MAN2B1: variants seen among roughly 807,000 people sequenced by gnomAD.
The protein encoded by MAN2B1 is lysosomal alpha-mannosidase.
A neutral mutation model predicts 127.5 loss-of-function variants in MAN2B1; 99 were observed. That is an observed-to-expected ratio of 0.78 (90% CI 0.66 to 0.92). The LOEUF (loss-of-function observed/expected upper bound fraction) is 0.92. Ranked by LOEUF, MAN2B1 falls within the 40% of genes least tolerant of loss-of-function variation. The probability of loss-of-function intolerance (pLI) is 0.00; values close to 1 mark genes in which losing one functional copy is unlikely to be tolerated. For synonymous variants in MAN2B1, 573 were observed against 568.8 expected, an observed-to-expected ratio of 1.01 and a Z score of -0.11; for missense variants, 1,304 against 1,384.8, an observed-to-expected ratio of 0.94 and a Z score of 0.93.
intron 19 of MAN2B1, 22 bp downstream of exon 19, chr19:12,649,319 G>T: frequency 6.2e-7 from 1 of 1,608,044 alleles, no homozygotes; most frequent in Non-Finnish European, 8.5e-7. Context: ...AGGTGGGGAG[G>T]TGCAGGATGG....
Position 12,646,558 on chromosome 19 carries a change from G to T in MAN2B1, c.*62C>A. 7.9e-7 allele frequency: 1 copy of T among 1,260,392 alleles called. No individual in the cohort carries two copies. Among genetic ancestry groups the T allele is most frequent in the Non-Finnish European group, 1.2e-6 (1 of 859,002 alleles). 78.1% of individuals were successfully genotyped at this position (1,260,392 alleles called of 1,614,324 possible). A position where few individuals can be genotyped will look rare whatever the true frequency, so the allele number is the denominator to read the frequency against. On this transcript the variant is annotated 3_prime_UTR_variant, in exon 24 of 24. Transcript: ENST00000456935. ...TAATGGCAGCAGCCCCAAGAGGAGA[G>T]TCAGAGTCTGGTCTGCCCCCGGAGC...
chr19:12,663,201 A>C, intron 6 of MAN2B1, 116 bp downstream of exon 6: 1 of 1,269,616 alleles, frequency 7.9e-7, no homozygotes, highest in African/African-American at 1.5e-5. Context: ...GTGACAGAGT[A>C]AGACTGTCTC....
chr19:12,657,182 T>C (rs1221011617), intron 11 of MAN2B1, 126 bp from the exon 12 acceptor site: 1 of 726,312 alleles, frequency 1.4e-6, no homozygotes. Flanking sequence ...AAACCCCTTC[T>C]AGCCCCACCC....
At chr19:12,660,670 A>T (rs939517779) in intron 7 of MAN2B1, among the ~76,000 whole-genome samples, 12 of 151,994 alleles carry the variant, frequency 7.9e-5, no homozygotes, top group African/African-American at 2.9e-4. Context: ...AAAAGCAAGG[A>T]AATTATATTC....
chr19:12,658,913 G>A, intron 7 of MAN2B1: 3 of 325,140 alleles, frequency 9.2e-6, no homozygotes, highest in South Asian at 7.7e-5. Context: ...CTGTAGTGCA[G>A]TGGCTCAATC....
chr19:12,655,570 A>T, intron 14 of MAN2B1, 124 bp downstream of exon 14: 2 of 971,516 alleles, frequency 2.1e-6, no homozygotes, highest in South Asian at 3.2e-5. Context: ...AAGGACACAC[A>T]ATGAGGGGAG....
In MAN2B1 at chr19:12,665,363, A is replaced by G. The variant is rs1343803488; in HGVS notation, c.425T>C (p.Leu142Pro). The change falls in exon 3 of 24, where the codon CTT becomes CCT. Residue 142 changes from leucine to proline, a missense_variant. Leu to Pro is a moderately conservative substitution (Grantham distance 98). Transcript: ENST00000456935. ...TNATQEVVRDLVRQGRLEFAN... is the reference protein window; with the variant it reads ...TNATQEVVRDPVRQGRLEFAN... The stretch of plus-strand genomic sequence containing the variant: ...TGGGGTAGGCTCACCCTGGCGCACA[A>G]GGTCTCGCACGACTTCCTGTGTGGC... 6.2e-7 allele frequency: 1 copy of G among 1,606,680 alleles called. No homozygotes were observed. Among genetic ancestry groups the G allele is most frequent in the African/African-American group, 1.3e-5 (1 of 75,028 alleles).
At chr19:12,656,372 A>AAT in intron 13 of MAN2B1, 199 bp downstream of exon 13, 2 of 538,172 alleles carry the variant, frequency 3.7e-6, no homozygotes, top group Non-Finnish European at 6.6e-6. Flanking sequence ...AAAAAAAAAA[A>AAT]GGGAGGACCA....
Position 12,666,732 on chromosome 19 carries a change from G to A in MAN2B1, c.-31C>T. The A allele has an allele frequency of 6.5e-7, 1 of 1,543,120 alleles. No homozygotes were observed. The highest frequency in any genetic ancestry group is 8.7e-7 in the Non-Finnish European group (1 of 1,144,862). Reference sequence around the variant, plus strand: ...AGCAGCTTCCTCCTGGGGTTCCCCGGCCCTGGAAAGGCCGGGCAAACGCCC... The same window carrying A: ...AGCAGCTTCCTCCTGGGGTTCCCCGACCCTGGAAAGGCCGGGCAAACGCCC... On this transcript the variant is annotated 5_prime_UTR_variant, in exon 1 of 24. Transcript: ENST00000456935.
At chr19:12,652,606 A>C (rs1599344938) in intron 14 of MAN2B1, 146 bp from the exon 15 acceptor site, 1 of 665,048 alleles carries the variant, frequency 1.5e-6, no homozygotes, top group Non-Finnish European at 2.6e-6. Flanking sequence ...ATCTTGGCTC[A>C]CTGCACCCCC....
chr19:12,652,389 C>T lies in MAN2B1; in HGVS notation c.1902G>A (p.Leu634=), dbSNP rs2145240022. 1 of 1,614,138 alleles carries T rather than the reference C, an allele frequency of 6.2e-7. No individual in the cohort carries two copies. Among genetic ancestry groups the T allele is most frequent in the Middle Eastern group, 1.6e-4 (1 of 6,062 alleles). Reference sequence around the variant, plus strand: ...AGAAGAAGGTCTGGCGAACAGGCAGCAGGAGTTGCTGATTCATGTTCATAA... The same window carrying T: ...AGAAGAAGGTCTGGCGAACAGGCAGTAGGAGTTGCTGATTCATGTTCATAA... ...MEIMNMNQQL[L]LPVRQTFFWY... The change falls in exon 15 of 24, where the codon CTG becomes CTA. Residue 634 remains leucine (L), a synonymous_variant. Transcript: ENST00000456935.
rs775010162 is a variant in MAN2B1, at chr19:12,650,116, G to A, written c.2153C>T (p.Pro718Leu). The A allele has an allele frequency of 4.3e-6, 7 of 1,613,720 alleles. No individual in the cohort carries two copies. The highest frequency in any genetic ancestry group is 4.0e-5 in the African/African-American group (3 of 74,852). ...CTGTGCCACTCACCCCACAGGTATC[G>A]GCCCCACCGACCACTCTAGCTCCAG... Reference protein sequence around the residue: ...RHLELEWSVGPIPVGDTWGKE... With the variant: ...RHLELEWSVGLIPVGDTWGKE... The change falls in exon 17 of 24, where the codon CCG (proline) becomes CTG (leucine). Residue 718 changes from proline to leucine, a missense_variant. Physicochemically the swap from Pro to Leu is moderately conservative, Grantham distance 98. Transcript: ENST00000456935.
chr19:12,661,352 T>C lies in MAN2B1; in HGVS notation c.934A>G (p.Thr312Ala). The change falls in exon 7 of 24, where the codon ACT becomes GCT. Residue 312 changes from threonine (T) to alanine (A), a missense_variant. By Grantham distance (58) the Thr-to-Ala change is moderately conservative (BLOSUM62 0). Transcript: ENST00000456935. Reference sequence around the variant, plus strand: ...AAGTCCGAGCCCATGGTCATCACAGTGTGGTTGGTGCGGTAATACCGGCCC... The same window carrying C: ...AAGTCCGAGCCCATGGTCATCACAGCGTGGTTGGTGCGGTAATACCGGCCC... ...AQGRYYRTNH[T>A]VMTMGSDFQY... 1 of 1,613,566 alleles carries C rather than the reference T, an allele frequency of 6.2e-7. No homozygotes were observed. The highest frequency in any genetic ancestry group is 8.5e-7 in the Non-Finnish European group (1 of 1,179,584).
chr19:12,647,648 G>C lies in MAN2B1; in HGVS notation c.2665-50C>G. 1 of 1,547,750 alleles carries C rather than the reference G, an allele frequency of 6.5e-7. No individual in the cohort carries two copies. The highest frequency in any genetic ancestry group is 8.8e-7 in the Non-Finnish European group (1 of 1,138,348). Reference sequence around the variant, plus strand: ...GTTGGAGAGGGGCGGGGCCTGGATGGAGAAGGGCGGGGCCGAGCCAGGTCA... The same window carrying C: ...GTTGGAGAGGGGCGGGGCCTGGATGCAGAAGGGCGGGGCCGAGCCAGGTCA... On this transcript the variant is annotated intron_variant, in intron 21 of 23. Coordinates refer to ENST00000456935, the MANE Select transcript of MAN2B1 (RefSeq NM_000528.4). This position sits in a 1 kb window ranked among gnomAD's most constrained non-coding sequence, Gnocchi z 4.9.
At chr19:12,648,042 TG>T in intron 21 of MAN2B1, 132 bp downstream of exon 21, 2 of 925,922 alleles carry the variant, frequency 2.2e-6, no homozygotes, top group Non-Finnish European at 3.4e-6. Context: ...GCCCAGGGGA[TG>T]GGGTTGGCCC....
At position 12,647,688 on chromosome 19, in the gene MAN2B1, G is replaced by A. The variant is rs2023726777; in HGVS notation, c.2665-90C>T. ...GAGCCAGGTCAGGAGGCAGGGCTAG[G>A]TTGTAGGGGCGGGGTTTCGCCGGAG... On this transcript the variant is annotated intron_variant, in intron 21 of 23. Coordinates refer to ENST00000456935, the MANE Select transcript of MAN2B1 (RefSeq NM_000528.4). This position sits in a 1 kb window ranked among gnomAD's most constrained non-coding sequence, Gnocchi z 4.9. 3 of 1,111,634 alleles carry A rather than the reference G, an allele frequency of 2.7e-6. No homozygotes were observed. Among genetic ancestry groups the A allele is most frequent in the Admixed American group, 4.5e-5 (2 of 44,470 alleles). 68.9% of individuals were successfully genotyped at this position (1,111,634 alleles called of 1,614,324 possible). A position where few individuals can be genotyped will look rare whatever the true frequency, so the allele number is the denominator to read the frequency against.
intron 10 of MAN2B1, chr19:12,657,852 G>A: frequency 1.6e-6 from 1 of 627,192 alleles, no homozygotes; most frequent in Non-Finnish European, 2.8e-6. Flanking sequence ...CTACTCGGGA[G>A]GCTGAGTCAG....
At position 12,647,812 on chromosome 19, in the gene MAN2B1, G is replaced by C. The variant is rs1025336876; in HGVS notation, c.2665-214C>G. 3 of 603,128 alleles carry C rather than the reference G, an allele frequency of 5.0e-6. No homozygotes were observed. Among genetic ancestry groups the C allele is most frequent in the Non-Finnish European group, 8.8e-6 (3 of 340,722 alleles). 37.4% of individuals were successfully genotyped at this position (603,128 alleles called of 1,614,324 possible). The stretch of plus-strand genomic sequence containing the variant: ...GTCCCAAGCTTAGGGTTCGAGTCCC[G>C]ATGGAGCAGAACTGATGTGACCTGA... On this transcript the variant is annotated intron_variant, in intron 21 of 23. Transcript: ENST00000456935. This position sits in a 1 kb window ranked among gnomAD's most constrained non-coding sequence, Gnocchi z 4.9.
Position 12,647,924 on chromosome 19 carries a change from T to G in MAN2B1, c.2664+251A>C, listed in dbSNP as rs1327086869. Among the ~76,000 whole-genome samples, 13 of 133,284 alleles carry G rather than the reference T, an allele frequency of 9.8e-5. No homozygotes were observed. Among genetic ancestry groups the G allele is most frequent in the Non-Finnish European group, 1.8e-4 (11 of 61,400 alleles). The allele number at this position is 133,284 out of a possible 152,430, so 87.4% of individuals were successfully genotyped here. On this transcript the variant is annotated intron_variant, in intron 21 of 23. Coordinates refer to ENST00000456935, the MANE Select transcript of MAN2B1 (RefSeq NM_000528.4). The surrounding 1 kb of genome is among the most constrained non-coding windows in gnomAD (Gnocchi z 4.9). Reference sequence around the variant, plus strand: ...GGGCGGTGAGAGGGCGGGGCTAAAGTGAAATGGGCGGGGCCGGAGGTGAGT... The same window carrying G: ...GGGCGGTGAGAGGGCGGGGCTAAAGGGAAATGGGCGGGGCCGGAGGTGAGT...
Sources: gnomAD v4.1 joint callset for allele counts (sites outside exome capture counted in the v4.1 genomes callset) on GRCh38, gnomAD v4.1.1 for gene constraint, Gnocchi (gnomAD v3.1) non-coding constraint, MANE v1.5 for transcripts, NCBI Gene and HGNC (gene_info 2026-07-23, HGNC 2026-07-21) for gene names.